The following CREG2 variants were observed in gnomAD, a reference collection of about 807,000 sequenced individuals.
CREG2 encodes cellular repressor of E1A stimulated genes 2, also known as protein CREG2.
A neutral mutation model predicts 26.2 loss-of-function variants in CREG2; 24 were observed. That is an observed-to-expected ratio of 0.92 (90% CI 0.66 to 1.29). CREG2 has a LOEUF of 1.29. Ranked by LOEUF, CREG2 falls within the 50% of genes most tolerant of loss-of-function variation. CREG2 has a pLI of 0.00. For synonymous variants in CREG2, 174 were observed against 169.2 expected (o/e 1.03, Z -0.22); for missense variants, 366 against 398.6 (o/e 0.92, Z 0.70).
At chr2:101,378,556 C>G (rs1211216597) in intron 2 of CREG2, among the ~76,000 whole-genome samples, 1 of 152,168 alleles carries the variant, frequency 6.6e-6, no homozygotes, top group African/African-American at 2.4e-5. Flanking sequence ...CTATATCAGC[C>G]GTGATGGCTG....
chr2:101,351,011 A>G lies in CREG2; in HGVS notation c.785T>C (p.Ile262Thr). 1 of 1,614,160 alleles carries G rather than the reference A, an allele frequency of 6.2e-7. No homozygotes were observed. The highest frequency in any genetic ancestry group is 8.5e-7 in the Non-Finnish European group (1 of 1,180,004). The change falls in exon 4 of 4, where the codon ATA becomes ACA. Residue 262 changes from isoleucine (I) to threonine (T), a missense_variant. Physicochemically the swap from Ile to Thr is moderately conservative, Grantham distance 89. Around this residue, in one of 3 missense-constraint regions of CREG2, gnomAD observed 174 missense variants for 178.2 expected, o/e 0.98. Transcript: ENST00000324768. The part of the protein sequence containing the change: ...QYEWFFMKMR[I>T]EHIWLQKWYG... ...CCATTTCTGAAGCCAGATATGTTCT[A>G]TCCTCATCTTCATAAAGAACCATTC...
intron 1 of CREG2, 90 bp from the exon 2 acceptor site, chr2:101,383,792 A>G: frequency 1.6e-6 from 2 of 1,220,058 alleles, no homozygotes; most frequent in South Asian, 1.5e-5. Context: ...TAGGAAATAC[A>G]ACACCAGGGA....
chr2:101,384,268 T>C (rs1008515824), intron 1 of CREG2, among the ~76,000 whole-genome samples: 7 of 152,258 alleles, frequency 4.6e-5, no homozygotes, highest in African/African-American at 1.7e-4. Context: ...CAATAATATT[T>C]CATTGTACGA....
intron 1 of CREG2, among the ~76,000 whole-genome samples, chr2:101,385,971 T>C (rs1684961865): frequency 6.6e-6 from 1 of 152,246 alleles, no homozygotes; most frequent in Non-Finnish European, 1.5e-5. Context: ...TTAACCTTTA[T>C]GTCTTTTTAA....
intron 2 of CREG2, among the ~76,000 whole-genome samples, chr2:101,357,739 A>G (rs2104471776): frequency 6.6e-6 from 1 of 152,066 alleles, no homozygotes; most frequent in East Asian, 2.0e-4. Context: ...GTTTAGAAGT[A>G]AGAAAAGTGA....
intron 2 of CREG2, among the ~76,000 whole-genome samples, chr2:101,363,332 G>A (rs975766723): frequency 6.6e-6 from 1 of 152,180 alleles, no homozygotes; most frequent in Non-Finnish European, 1.5e-5. Context: ...GTACTCAAAT[G>A]ATCTCCAATT....
rs980619752 is a variant in CREG2, at chr2:101,382,912, T to C, written c.611+621A>G. 3.0e-6 allele frequency: 3 copies of C among 985,662 alleles called. No homozygotes were observed. In the South Asian group the frequency reaches 1.4e-4, roughly 46 times the overall value. 61.1% of individuals were successfully genotyped at this position (985,662 alleles called of 1,614,324 possible). ...ACATGCAGCTCCCACACCAGCTCCATGCAGACATTTCCCGGGGAGGATGCG... is the reference window on the plus strand; with the variant it reads ...ACATGCAGCTCCCACACCAGCTCCACGCAGACATTTCCCGGGGAGGATGCG... On this transcript the variant is annotated intron_variant, in intron 2 of 3. Coordinates refer to ENST00000324768, the MANE Select transcript of CREG2 (RefSeq NM_153836.4).
chr2:101,372,403 A>G (rs1482480916), intron 2 of CREG2, among the ~76,000 whole-genome samples: 1 of 152,230 alleles, frequency 6.6e-6, no homozygotes, highest in East Asian at 1.9e-4. Context: ...TGAGTTTATC[A>G]TTAGTATCTC....
rs1414375908 is a variant in CREG2 at position 101,349,830 on chromosome 2, A to G, written c.*1093T>C. 4 of 151,944 alleles carry G rather than the reference A, an allele frequency of 2.6e-5. No homozygotes were observed. Among genetic ancestry groups the G allele is most frequent in the South Asian group, 4.1e-4 (2 of 4,832 alleles). The allele number at this position is 151,944 out of a possible 1,614,324, so 9.4% of individuals were successfully genotyped here. A position where few individuals can be genotyped will look rare whatever the true frequency, so the allele number is the denominator to read the frequency against. Reference sequence around the variant, plus strand: ...TCACTTTACTGATTTTCCTGGTTCAATTTCTACCCATGCATTTCAATAACT... The same window carrying G: ...TCACTTTACTGATTTTCCTGGTTCAGTTTCTACCCATGCATTTCAATAACT... On this transcript the variant is annotated 3_prime_UTR_variant, in exon 4 of 4. Coordinates refer to ENST00000324768, the MANE Select transcript of CREG2 (RefSeq NM_153836.4).
At position 101,382,516 on chromosome 2, in the gene CREG2, G is replaced by T. The variant is rs890842112; in HGVS notation, c.611+1017C>A. 43 of 985,196 alleles carry T rather than the reference G, an allele frequency of 4.4e-5. No individual in the cohort carries two copies. The East Asian group carries it at 1.2e-3, about 29-fold the overall frequency. The allele number at this position is 985,196 out of a possible 1,614,324, so 61.0% of individuals were successfully genotyped here. ...AGTAAGCTTGACTGACCAAGAACAG[G>T]GAGAATATTCCATGAGAAAGGAAAT... On this transcript the variant is annotated intron_variant, in intron 2 of 3. Coordinates refer to ENST00000324768, the MANE Select transcript of CREG2 (RefSeq NM_153836.4).
rs1316430082 is a variant in CREG2, at chr2:101,387,419, C to A, written c.39G>T (p.Gly13=). ...AGCACAGCAGCCAGGAGAGGCGGGT[C>A]CCCGGCCGCGCCGGCCGCCGGCCGC... ...VRRGRRPARP[G]TRLSWLLCCS... The change falls in exon 1 of 4, where the codon GGG becomes GGT. Residue 13 remains glycine, a synonymous_variant. Transcript: ENST00000324768. This position sits in a 1 kb window ranked among gnomAD's most constrained non-coding sequence, Gnocchi z 4.7. 7.8e-7 allele frequency: 1 copy of A among 1,276,290 alleles called. No homozygotes were observed. Among genetic ancestry groups the A allele is most frequent in the South Asian group, 2.6e-5 (1 of 39,146 alleles). The allele number at this position is 1,276,290 out of a possible 1,614,324, so 79.1% of individuals were successfully genotyped here.
At chr2:101,351,151 G>T in intron 3 of CREG2, 81 bp from the exon 4 acceptor site, 1 of 1,403,320 alleles carries the variant, frequency 7.1e-7, no homozygotes, top group Non-Finnish European at 9.6e-7. Flanking sequence ...GACCTCCAGA[G>T]TCCAGGCCTC....
chr2:101,386,267 T>A lies in CREG2; in HGVS notation c.441+750A>T, dbSNP rs545728991. 2.8e-4 allele frequency among the ~76,000 whole-genome samples: 43 copies of A among 152,308 alleles called. 1 individual carries two copies. The highest frequency in any genetic ancestry group is 2.2e-3 in the Admixed American group (34 of 15,308). ...TCCTATGCCTTCCATAAAATATTAT[T>A]TCTCTTTTTTGTAGGAAGTAAAGAG... On this transcript the variant is annotated intron_variant, in intron 1 of 3. Coordinates refer to ENST00000324768, the MANE Select transcript of CREG2 (RefSeq NM_153836.4).
At position 101,387,130 on chromosome 2, in the gene CREG2, C is replaced by T; in HGVS notation, c.328G>A (p.Gly110Ser). ...PPGMFSYRRE[G>S]GQTASAPPGP... is the part of the protein sequence containing the mutation. The stretch of plus-strand genomic sequence containing the variant: ...GGGGGCGCACTGGCCGTCTGGCCGC[C>T]CTCGCGCCGGTAGGAGAACATCCCG... Residue 110 changes from glycine (G) to serine (S), a missense_variant, in exon 1 of 4, where the codon GGC (glycine) becomes AGC (serine). Physicochemically the swap from Gly to Ser is moderately conservative, Grantham distance 56. Coordinates refer to ENST00000324768, the MANE Select transcript of CREG2 (RefSeq NM_153836.4). The surrounding 1 kb of genome is among the most constrained non-coding windows in gnomAD (Gnocchi z 4.7). 2.4e-6 allele frequency: 3 copies of T among 1,247,968 alleles called. No homozygotes were observed. The highest frequency in any genetic ancestry group is 3.0e-6 in the Non-Finnish European group (3 of 997,044). The allele number at this position is 1,247,968 out of a possible 1,614,324, so 77.3% of individuals were successfully genotyped here.
chr2:101,363,928 C>A (rs1016898526), intron 2 of CREG2, among the ~76,000 whole-genome samples: 1 of 151,926 alleles, frequency 6.6e-6, no homozygotes, highest in African/African-American at 2.4e-5. Flanking sequence ...ACCACCCAAT[C>A]CTGCAAATGA....
chr2:101,356,263 T>C (rs1021897618), intron 2 of CREG2, among the ~76,000 whole-genome samples: 1 of 152,150 alleles, frequency 6.6e-6, no homozygotes, highest in Non-Finnish European at 1.5e-5. Context: ...GGGCCCAGGA[T>C]GTGGGGGCAG....
rs530274423 is a variant in CREG2 at position 101,358,501 on chromosome 2, G to T, written c.612-3135C>A. On this transcript the variant is annotated intron_variant, in intron 2 of 3. Transcript: ENST00000324768. ...AAAAAAGAGCCTGTTGCATAGAATT[G>T]TTTATGATGGCAAAAATTGGAAGTA... Among the ~76,000 whole-genome samples, 6 of 152,330 alleles carry T rather than the reference G, an allele frequency of 3.9e-5. No individual in the cohort carries two copies. The East Asian group carries it at 1.2e-3, about 29-fold the overall frequency.
chr2:101,362,128 A>T (rs1191443661), intron 2 of CREG2, among the ~76,000 whole-genome samples: 1 of 152,158 alleles, frequency 6.6e-6, no homozygotes, highest in Non-Finnish European at 1.5e-5. Context: ...AAGCTCAAGG[A>T]GCTGCTTGCT....
In CREG2 at chr2:101,349,580, T is replaced by C. The variant is rs1202753678; in HGVS notation, c.*1343A>G. 6.6e-6 allele frequency: 1 copy of C among 152,572 alleles called. No individual in the cohort carries two copies. Among genetic ancestry groups the C allele is most frequent in the Admixed American group, 6.5e-5 (1 of 15,278 alleles). 9.5% of individuals were successfully genotyped at this position (152,572 alleles called of 1,614,324 possible). A position where few individuals can be genotyped will look rare whatever the true frequency, so the allele number is the denominator to read the frequency against. ...GAAAACTTGGGACAGCTCAACCCTT[T>C]ATAGGTTTTAATGATCAGAGGTCTT... On this transcript the variant is annotated 3_prime_UTR_variant, in exon 4 of 4. Coordinates refer to ENST00000324768, the MANE Select transcript of CREG2 (RefSeq NM_153836.4).
Sources: allele counts gnomAD v4.1 joint callset (sites outside exome capture counted in the v4.1 genomes callset), GRCh38; gene constraint gnomAD v4.1.1; regional missense constraint gnomAD v4.1.1; non-coding constraint Gnocchi (gnomAD v3.1); transcripts MANE v1.5; gene names NCBI Gene and HGNC (gene_info 2026-07-23, HGNC 2026-07-21).